The following NTNG1 variants were observed in gnomAD, a reference collection of about 807,000 sequenced individuals.
NTNG1 encodes the protein netrin-G1.
In NTNG1, 16 loss-of-function variants were observed where a neutral mutation model predicts 54.0. That is an observed-to-expected ratio of 0.30 (90% CI 0.20 to 0.45). The LOEUF (loss-of-function observed/expected upper bound fraction) is 0.45. Among genes scored for constraint, NTNG1 ranks in the 20% least tolerant of loss-of-function variants. The pLI is 1.00. For synonymous variants in NTNG1, 255 were observed against 263.1 expected (o/e 0.97, Z 0.30); for missense variants, 530 against 678.7 (o/e 0.78, Z 2.43).
chr1:107,203,299 A>C (rs916779785), intron 2 of NTNG1, among the ~76,000 whole-genome samples: 1 of 149,890 alleles, frequency 6.7e-6, no homozygotes, highest in African/African-American at 2.5e-5. Context: ...AATTTCTCTT[A>C]CTCTTTGTCT....
At chr1:107,405,030 G>C (rs2819982) in intron 4 of NTNG1, among the ~76,000 whole-genome samples, 145,943 of 152,166 alleles carry the variant, frequency 0.96, 70,273 homozygotes, top group East Asian at 1. Flanking sequence ...AGATACCCCA[G>C]CTTTCATGAA....
At chr1:107,247,298 C>T (rs924438197) in intron 2 of NTNG1, among the ~76,000 whole-genome samples, 2 of 152,006 alleles carry the variant, frequency 1.3e-5, no homozygotes, top group Admixed American at 6.6e-5. Context: ...CTCTTTCAGT[C>T]GTAAGTTTAA....
intron 2 of NTNG1, among the ~76,000 whole-genome samples, chr1:107,313,071 C>T (rs1667119641): frequency 6.6e-6 from 1 of 152,122 alleles, no homozygotes; most frequent in African/African-American, 2.4e-5. Flanking sequence ...ACCAGTGTCA[C>T]CAGTTGTCCC....
chr1:107,476,253 T>C (rs1415323171), intron 7 of NTNG1, among the ~76,000 whole-genome samples: 1 of 152,184 alleles, frequency 6.6e-6, no homozygotes, highest in Non-Finnish European at 1.5e-5. Flanking sequence ...TCCAATGGCC[T>C]AAATGCTGAT....
At chr1:107,343,939 C>A (rs1230176182) in intron 3 of NTNG1, among the ~76,000 whole-genome samples, 1 of 151,862 alleles carries the variant, frequency 6.6e-6, no homozygotes, top group African/African-American at 2.4e-5. Context: ...ATCAGACAAG[C>A]GATACCTGAA....
intron 5 of NTNG1, among the ~76,000 whole-genome samples, chr1:107,420,474 A>G (rs1278269746): frequency 1.3e-5 from 2 of 152,078 alleles, no homozygotes; most frequent in African/African-American, 4.8e-5. Context: ...TGGAAAAGAA[A>G]TGGCAGGCAA....
At chr1:107,337,556 A>G (rs1668659049) in intron 3 of NTNG1, among the ~76,000 whole-genome samples, 1 of 152,048 alleles carries the variant, frequency 6.6e-6, no homozygotes, top group East Asian at 1.9e-4. Flanking sequence ...TTGCACAACA[A>G]TGTGAAAATA....
chr1:107,225,507 G>A (rs140004427), intron 2 of NTNG1, among the ~76,000 whole-genome samples: 3 of 152,236 alleles, frequency 2.0e-5, no homozygotes, highest in African/African-American at 7.2e-5. Context: ...AGACAGATCT[G>A]TGTTTGAGTG....
chr1:107,363,381 C>T (rs971174660), intron 3 of NTNG1, among the ~76,000 whole-genome samples: 1 of 152,144 alleles, frequency 6.6e-6, no homozygotes, highest in African/African-American at 2.4e-5. Flanking sequence ...CATGAGGAAA[C>T]TGGGGGGTCA....
chr1:107,148,664 C>G lies in NTNG1; in HGVS notation c.71C>G (p.Pro24Arg). ...GTGTCCTCAGTGATGCAGCCCTACCCTTTGGTTTGGGGACATTATGATTTG... is the reference window on the plus strand; with the variant it reads ...GTGTCCTCAGTGATGCAGCCCTACCGTTTGGTTTGGGGACATTATGATTTG... ...VTVSSVMQPY[P>R]LVWGHYDLCK... Residue 24 changes from proline to arginine, a missense_variant, in exon 2 of 8, where the codon CCT becomes CGT. By Grantham distance (103) the Pro-to-Arg change is moderately radical. Coordinates refer to ENST00000370068, the MANE Select transcript of NTNG1 (RefSeq NM_001113226.3). 4 of 1,613,472 alleles carry G rather than the reference C, an allele frequency of 2.5e-6. No individual in the cohort carries two copies. The highest frequency in any genetic ancestry group is 3.4e-6 in the Non-Finnish European group (4 of 1,179,552).
rs79816018 is a variant in NTNG1, at chr1:107,390,773, A to C, written c.888-4381A>C. Among the ~76,000 whole-genome samples the C allele has an allele frequency of 0.012, 1,811 of 152,296 alleles. 94 individuals carry two copies. In the East Asian group the frequency reaches 0.18, roughly 15 times the overall value. On this transcript the variant is annotated intron_variant, in intron 3 of 7. Coordinates refer to ENST00000370068, the MANE Select transcript of NTNG1 (RefSeq NM_001113226.3). ...CAAGCACTTATTATGTGCCAAGAAC[A>C]GCAACACACACTAGGGATATTACAA...
In NTNG1 at chr1:107,396,687, ACTC is replaced by A. The variant is rs370201926; in HGVS notation, c.1060+1364_1060+1366del. Among the ~76,000 whole-genome samples, 122 of 152,184 alleles carry A rather than the reference ACTC, an allele frequency of 8.0e-4. 1 individual carries two copies. In the East Asian group the frequency reaches 0.016, roughly 20 times the overall value. On this transcript the variant is annotated intron_variant, in intron 4 of 7. Transcript: ENST00000370068. Reference sequence around the variant, plus strand: ...ATACCCTGTGGCTGGCTACCTAAGAACTCCTATGACCCCAGTTGTCAAATTTAG... The same window carrying A: ...ATACCCTGTGGCTGGCTACCTAAGAACTATGACCCCAGTTGTCAAATTTAG...
chr1:107,264,634 T>C (rs190025106), intron 2 of NTNG1, among the ~76,000 whole-genome samples: 1 of 152,362 alleles, frequency 6.6e-6, no homozygotes, highest in South Asian at 2.1e-4. Flanking sequence ...TGGCAGTTTT[T>C]AAAATGAAAA....
At chr1:107,328,323 G>T (rs1668082529) in intron 3 of NTNG1, among the ~76,000 whole-genome samples, 1 of 152,062 alleles carries the variant, frequency 6.6e-6, no homozygotes, top group Admixed American at 6.6e-5. Context: ...TCTTAGTCTT[G>T]ATCTCATTTT....
chr1:107,330,315 G>A (rs1052162061), intron 3 of NTNG1, among the ~76,000 whole-genome samples: 3 of 152,132 alleles, frequency 2.0e-5, no homozygotes, highest in Admixed American at 6.6e-5. Flanking sequence ...TTGACTACAA[G>A]TGAGGAACAG....
chr1:107,354,730 C>G (rs943700904), intron 3 of NTNG1, among the ~76,000 whole-genome samples: 2 of 152,070 alleles, frequency 1.3e-5, no homozygotes, highest in Non-Finnish European at 2.9e-5. Context: ...CTTAGTCTAC[C>G]CCTAGCATCA....
At chr1:107,256,822 G>T (rs1416131604) in intron 2 of NTNG1, among the ~76,000 whole-genome samples, 1 of 152,170 alleles carries the variant, frequency 6.6e-6, no homozygotes, top group Non-Finnish European at 1.5e-5. Context: ...TTAATCAAGA[G>T]AATGACTTCT....
chr1:107,336,112 T>C (rs564038286), intron 3 of NTNG1, among the ~76,000 whole-genome samples: 4 of 151,618 alleles, frequency 2.6e-5, no homozygotes, highest in Admixed American at 6.6e-5. Flanking sequence ...TTAAGGGACC[T>C]GGAAATAGCC....
intron 3 of NTNG1, among the ~76,000 whole-genome samples, chr1:107,393,959 A>G (rs568110921): frequency 1.3e-5 from 2 of 152,184 alleles, no homozygotes; most frequent in African/African-American, 4.8e-5. Flanking sequence ...TTTGGTCTTT[A>G]TGAAACTTGA....
Sources: gnomAD v4.1 joint callset for allele counts (sites outside exome capture counted in the v4.1 genomes callset) on GRCh38, gnomAD v4.1.1 for gene constraint, MANE v1.5 for transcripts, NCBI Gene and HGNC (gene_info 2026-07-23, HGNC 2026-07-21) for gene names.